Variants in WARS2 observed in about 807,000 individuals in gnomAD.
WARS2 encodes the protein tryptophan--tRNA ligase, mitochondrial.
WARS2 carries 28 observed loss-of-function variants against 36.5 expected under a neutral mutation model. The ratio of observed to expected loss-of-function variants is 0.77; its 90% CI spans 0.57 to 1.05. The LOEUF (loss-of-function observed/expected upper bound fraction) is 1.05, where lower values mean the gene tolerates loss of function less well. Among genes scored for constraint, WARS2 ranks in the 50% least tolerant of loss-of-function variants. The pLI is 0.00. For missense variants in WARS2, 435 were observed against 456.8 expected, an observed-to-expected ratio of 0.95 and a Z score of 0.44; for synonymous variants, 174 against 178.4, an observed-to-expected ratio of 0.98 and a Z score of 0.20.
intron 2 of WARS2, among the ~76,000 whole-genome samples, chr1:119,054,804 G>A (rs1649638452): frequency 6.6e-6 from 1 of 152,244 alleles, no homozygotes; most frequent in East Asian, 1.9e-4. Flanking sequence ...GCCACAAAAA[G>A]ACCAATATTG....
intron 1 of WARS2, 86 bp from the exon 2 acceptor site, chr1:119,076,693 G>C: frequency 6.5e-7 from 1 of 1,546,630 alleles, no homozygotes; most frequent in South Asian, 1.3e-5. Context: ...ATGGGAGCTA[G>C]TTATATTTTT....
intron 1 of WARS2, chr1:119,085,495 G>A (rs1652578127): frequency 6.3e-7 from 1 of 1,576,540 alleles, no homozygotes; most frequent in Non-Finnish European, 8.5e-7. Flanking sequence ...TTTTTTGTTG[G>A]TTTTTCATCT....
chr1:119,067,836 G>A (rs1211821900), intron 2 of WARS2, among the ~76,000 whole-genome samples: 1 of 149,754 alleles, frequency 6.7e-6, no homozygotes, highest in Non-Finnish European at 1.5e-5. Context: ...CTACTGTTTT[G>A]ACAGCAAGAA....
At chr1:119,065,057 A>C (rs1457122280) in intron 2 of WARS2, among the ~76,000 whole-genome samples, 1 of 152,190 alleles carries the variant, frequency 6.6e-6, no homozygotes, top group Non-Finnish European at 1.5e-5. Flanking sequence ...TGACATTAGA[A>C]ATCAATTTTT....
chr1:119,064,655 G>GGTTT (rs1292219839), intron 2 of WARS2: 1 of 161,812 alleles, frequency 6.2e-6, no homozygotes, highest in African/African-American at 2.4e-5. Flanking sequence ...GTTTATCAGG[G>GGTTT]GTTTCCACTT....
chr1:119,033,119 C>A lies in WARS2; in HGVS notation c.875G>T (p.Arg292Leu). The A allele has an allele frequency of 6.2e-7, 1 of 1,614,150 alleles. No homozygotes were observed. Among genetic ancestry groups the A allele is most frequent in the Non-Finnish European group, 8.5e-7 (1 of 1,180,052 alleles). ...AGCAGTGTTCATGCCCGCGCTGCGG[C>A]GCACCACTTCCTCCACGGAGAGCCC... ...VTGLSVEEVV[R>L]RSAGMNTARY... is the part of the protein sequence containing the mutation. Residue 292 changes from arginine to leucine, a missense_variant, in exon 6 of 6, where the codon CGC (arginine) becomes CTC (leucine). Arg to Leu is a moderately radical substitution (Grantham distance 102). Transcript: ENST00000235521.
intron 2 of WARS2, among the ~76,000 whole-genome samples, chr1:119,065,853 C>T (rs1454893363): frequency 6.6e-6 from 1 of 152,070 alleles, no homozygotes; most frequent in Non-Finnish European, 1.5e-5. Flanking sequence ...AAACATATAT[C>T]CATCATTATG....
intron 3 of WARS2, among the ~76,000 whole-genome samples, chr1:119,044,977 AAAG>A (rs1648669773): frequency 6.6e-6 from 1 of 152,204 alleles, no homozygotes; most frequent in Non-Finnish European, 1.5e-5. Context: ...AAATACCTCA[AAAG>A]AAGCTTGAAA....
chr1:119,040,799 A>G (rs878006), intron 4 of WARS2, among the ~76,000 whole-genome samples: 33,435 of 152,226 alleles, frequency 0.22, 5,046 homozygotes, highest in East Asian at 0.52. Flanking sequence ...CAGGTGAGAA[A>G]GTCAAGTTTC....
At chr1:119,091,524 T>C (rs1481484278) in intron 1 of WARS2, among the ~76,000 whole-genome samples, 1 of 152,234 alleles carries the variant, frequency 6.6e-6, no homozygotes, top group African/African-American at 2.4e-5. Flanking sequence ...TTTGATTCAC[T>C]AGAATGTATG....
intron 1 of WARS2, among the ~76,000 whole-genome samples, chr1:119,087,208 T>C (rs1652738454): frequency 6.6e-6 from 1 of 152,202 alleles, no homozygotes. Context: ...GCCTAGAATA[T>C]GAGCTCTTCT....
At chr1:119,077,146 A>T (rs1018949958) in intron 1 of WARS2, among the ~76,000 whole-genome samples, 2 of 151,634 alleles carry the variant, frequency 1.3e-5, no homozygotes, top group African/African-American at 4.8e-5. Flanking sequence ...TCAAAAAAAA[A>T]AAGGAAAAGA....
chr1:119,096,389 C>T (rs587694065), intron 1 of WARS2, among the ~76,000 whole-genome samples: 9 of 152,242 alleles, frequency 5.9e-5, no homozygotes, highest in Admixed American at 5.2e-4. Flanking sequence ...AACAAGTTGA[C>T]TTTATTCACC....
intron 1 of WARS2, among the ~76,000 whole-genome samples, chr1:119,116,873 A>G (rs1382702459): frequency 1.3e-5 from 2 of 152,216 alleles, no homozygotes; most frequent in East Asian, 3.9e-4. Context: ...TCAACCGAGC[A>G]CGAACTTCCC....
intron 1 of WARS2, among the ~76,000 whole-genome samples, chr1:119,077,134 T>G (rs1651805517): frequency 1.1e-4 from 1 of 9,090 alleles, no homozygotes; most frequent in Non-Finnish European, 2.4e-4. Flanking sequence ...CGAGACCCCG[T>G]CTCAAAAAAA....
chr1:119,088,170 G>A (rs1369821690), intron 1 of WARS2, among the ~76,000 whole-genome samples: 1 of 152,074 alleles, frequency 6.6e-6, no homozygotes, highest in Non-Finnish European at 1.5e-5. Flanking sequence ...AAAACATTAT[G>A]AATGAAAAAG....
At chr1:119,095,866 G>C (rs1571350958) in intron 1 of WARS2, among the ~76,000 whole-genome samples, 1 of 152,190 alleles carries the variant, frequency 6.6e-6, no homozygotes. Flanking sequence ...TGTCAGTATT[G>C]GGGGACACTG....
At chr1:119,062,670 A>G (rs1399475863) in intron 2 of WARS2, among the ~76,000 whole-genome samples, 1 of 152,062 alleles carries the variant, frequency 6.6e-6, no homozygotes, top group Non-Finnish European at 1.5e-5. Flanking sequence ...TTCCCATGCT[A>G]TTCTCATGAT....
chr1:119,091,349 C>T (rs1448421533), intron 1 of WARS2, among the ~76,000 whole-genome samples: 1 of 152,106 alleles, frequency 6.6e-6, no homozygotes, highest in African/African-American at 2.4e-5. Context: ...ACTTGTTTCA[C>T]AAGGATGAAG....
Sources: allele counts gnomAD v4.1 joint callset (sites outside exome capture counted in the v4.1 genomes callset), GRCh38; gene constraint gnomAD v4.1.1; transcripts MANE v1.5; gene names NCBI Gene and HGNC (gene_info 2026-07-23, HGNC 2026-07-21).